The following CILK1 variants were observed in gnomAD, a reference collection of about 807,000 sequenced individuals.
CILK1 encodes the protein ciliogenesis associated kinase 1.
Under a neutral mutation model 79.2 loss-of-function variants are expected in CILK1, and 47 were observed. The observed-to-expected ratio is 0.59, with a 90% CI of 0.47 to 0.76. The LOEUF (loss-of-function observed/expected upper bound fraction) is 0.76. Among genes scored for constraint, CILK1 ranks in the 30% least tolerant of loss-of-function variants. CILK1 has a pLI of 0.00. For missense variants in CILK1, 660 were observed against 769.5 expected (o/e 0.86, Z 1.68); for synonymous variants, 266 against 275.9 (o/e 0.96, Z 0.36).
intron 6 of CILK1, among the ~76,000 whole-genome samples, chr6:53,019,017 T>C (rs1295259285): frequency 6.6e-6 from 1 of 152,232 alleles, no homozygotes; most frequent in African/African-American, 2.4e-5. Context: ...ATTTACATTA[T>C]AGAAAAGCAT....
chr6:53,004,624 C>T lies in CILK1; in HGVS notation c.*525G>A, dbSNP rs1764115145. ...CTAAGAAAAGCAGAGGATCACTTTT[C>T]TAACAACAGTCCAAGAAGGCCTGAA... On this transcript the variant is annotated 3_prime_UTR_variant, in exon 14 of 14. Coordinates refer to ENST00000676107, the MANE Select transcript of CILK1 (RefSeq NM_014920.5). 6.5e-6 allele frequency: 1 copy of T among 154,590 alleles called. No homozygotes were observed. The highest frequency in any genetic ancestry group is 1.4e-5 in the Non-Finnish European group (1 of 69,344). 9.6% of individuals were successfully genotyped at this position (154,590 alleles called of 1,614,324 possible).
chr6:53,050,984 TC>T (rs1351902791), intron 1 of CILK1, among the ~76,000 whole-genome samples: 2 of 152,068 alleles, frequency 1.3e-5, no homozygotes, highest in Admixed American at 6.5e-5. Flanking sequence ...AGATATAAGA[TC>T]CACAGAGCTG....
chr6:53,012,325 G>C (rs1462259617), intron 9 of CILK1, 98 bp from the exon 10 acceptor site: 3 of 1,069,178 alleles, frequency 2.8e-6, no homozygotes, highest in Non-Finnish European at 4.2e-6. Context: ...ATGCAAAGGA[G>C]GCTCCTGGGG....
intron 1 of CILK1, among the ~76,000 whole-genome samples, chr6:53,052,842 G>A (rs1344385448): frequency 6.6e-6 from 1 of 151,912 alleles, no homozygotes; most frequent in Non-Finnish European, 1.5e-5. Context: ...GCCCTTCACG[G>A]TAATAAGAAG....
intron 5 of CILK1, among the ~76,000 whole-genome samples, chr6:53,023,781 C>T (rs2127427309): frequency 6.6e-6 from 1 of 152,264 alleles, no homozygotes. Flanking sequence ...ATTCTAAAGA[C>T]AACAGTACTT....
At chr6:53,011,978 ACCC>A (rs1362391281) in intron 10 of CILK1, 56 bp downstream of exon 10, 1 of 1,613,538 alleles carries the variant, frequency 6.2e-7, no homozygotes, top group African/African-American at 1.3e-5. Context: ...TCGGATATGT[ACCC>A]ATAATCTCAT....
At chr6:53,018,620 G>T in intron 6 of CILK1, 119 bp from the exon 7 acceptor site, 1 of 1,003,156 alleles carries the variant, frequency 1.0e-6, no homozygotes, top group Non-Finnish European at 1.5e-6. Context: ...AGTTCACTGT[G>T]GTGTAATGGA....
chr6:53,058,309 C>A (rs941840418), intron 1 of CILK1, among the ~76,000 whole-genome samples: 1 of 152,182 alleles, frequency 6.6e-6, no homozygotes, highest in African/African-American at 2.4e-5. Flanking sequence ...GCTGCTTTTA[C>A]TTCTTTGGCT....
intron 11 of CILK1, among the ~76,000 whole-genome samples, chr6:53,010,625 G>C (rs1323628308): frequency 6.6e-6 from 1 of 152,184 alleles, no homozygotes; most frequent in Admixed American, 6.5e-5. Context: ...CACAGGACAA[G>C]CCCTCTCCTG....
rs1332549735 is a variant in CILK1, at chr6:53,032,609, C to T, written c.202G>A (p.Val68Ile). The T allele has an allele frequency of 6.2e-7, 1 of 1,606,486 alleles. No homozygotes were observed. Among genetic ancestry groups the T allele is most frequent in the East Asian group, 2.2e-5 (1 of 44,538 alleles). ...TAAAGATGATCATTTTCCCTGATAA[C>T]TTCTTTTAATTTGACTACATTGGCA... ...NHANVVKLKE[V>I]IRENDHLYFI... Residue 68 changes from valine (V) to isoleucine (I), a missense_variant, in exon 4 of 14, where the codon GTT becomes ATT. Physicochemically the swap from Val to Ile is conservative, Grantham distance 29 (BLOSUM62 3). Coordinates refer to ENST00000676107, the MANE Select transcript of CILK1 (RefSeq NM_014920.5).
Position 53,001,970 on chromosome 6 carries a change from A to G in CILK1, c.*3179T>C, listed in dbSNP as rs1270975540. 6.6e-6 allele frequency: 1 copy of G among 152,614 alleles called. No individual in the cohort carries two copies. The highest frequency in any genetic ancestry group is 2.4e-5 in the African/African-American group (1 of 41,416). The allele number at this position is 152,614 out of a possible 1,614,324, so 9.5% of individuals were successfully genotyped here. ...CAACTCCAACAGTACCTGTATTTGCACTCAAAAATAAAATAATTCTTGTGT... is the reference window on the plus strand; with the variant it reads ...CAACTCCAACAGTACCTGTATTTGCGCTCAAAAATAAAATAATTCTTGTGT... On this transcript the variant is annotated 3_prime_UTR_variant, in exon 14 of 14. Transcript: ENST00000676107.
intron 1 of CILK1, among the ~76,000 whole-genome samples, chr6:53,058,616 T>C (rs1768132499): frequency 1.3e-5 from 2 of 152,090 alleles, no homozygotes; most frequent in African/African-American, 4.8e-5. Context: ...GGTTCACAGA[T>C]AGGAGAGTTC....
chr6:53,060,494 G>C (rs1768352082), intron 1 of CILK1, among the ~76,000 whole-genome samples: 1 of 152,212 alleles, frequency 6.6e-6, no homozygotes, highest in Non-Finnish European at 1.5e-5. Context: ...GTCACTTAGA[G>C]AATGGGGAAT....
intron 3 of CILK1, among the ~76,000 whole-genome samples, chr6:53,033,267 A>G (rs1353746955): frequency 6.6e-6 from 1 of 152,228 alleles, no homozygotes. Flanking sequence ...TTCCAAGAAC[A>G]ACGAAGGCAA....
chr6:53,021,186 G>A (rs1343978920), intron 5 of CILK1, among the ~76,000 whole-genome samples: 3 of 152,146 alleles, frequency 2.0e-5, no homozygotes, highest in African/African-American at 4.8e-5. Context: ...TTAGCCGGGC[G>A]TGGTGGCACA....
At chr6:53,019,078 C>A in intron 6 of CILK1, 149 bp downstream of exon 6, 3 of 733,666 alleles carry the variant, frequency 4.1e-6, no homozygotes, top group Non-Finnish European at 6.7e-6. Context: ...TAACCTTGTA[C>A]ATTACCAACA....
At position 53,013,055 on chromosome 6, in the gene CILK1, C is replaced by T. The variant is rs193127289; in HGVS notation, c.1152+607G>A. ...TAACAATCTACAAATATTAACACAG[C>T]GCTTTATGCTTTTCAAAATATCTTA... On this transcript the variant is annotated intron_variant, in intron 9 of 13. Coordinates refer to ENST00000676107, the MANE Select transcript of CILK1 (RefSeq NM_014920.5). 5.3e-5 allele frequency among the ~76,000 whole-genome samples: 8 copies of T among 152,270 alleles called. No homozygotes were observed. In the East Asian group the frequency reaches 7.7e-4, roughly 15 times the overall value.
chr6:53,030,578 T>G (rs1266899424), intron 5 of CILK1, among the ~76,000 whole-genome samples: 1 of 152,250 alleles, frequency 6.6e-6, no homozygotes. Flanking sequence ...CACATCTTGT[T>G]TTGCCTTTGT....
At chr6:53,045,389 T>G (rs2127457821) in intron 1 of CILK1, among the ~76,000 whole-genome samples, 1 of 152,368 alleles carries the variant, frequency 6.6e-6, no homozygotes, top group East Asian at 1.9e-4. Context: ...TGACTTACGA[T>G]ATTTTGACTT....
Sources: allele counts gnomAD v4.1 joint callset (sites outside exome capture counted in the v4.1 genomes callset), GRCh38; gene constraint gnomAD v4.1.1; transcripts MANE v1.5; gene names NCBI Gene and HGNC (gene_info 2026-07-23, HGNC 2026-07-21).